The following WDPCP variants were observed in gnomAD, a reference collection of about 807,000 sequenced individuals.
WDPCP encodes WD repeat containing planar cell polarity effector, also known as WD repeat-containing and planar cell polarity effector protein fritz homolog.
WDPCP carries 71 observed loss-of-function variants against 93.1 expected under a neutral mutation model. That is an observed-to-expected ratio of 0.76 (90% CI 0.63 to 0.93). WDPCP has a LOEUF of 0.93. Among genes scored for constraint, WDPCP ranks in the 40% least tolerant of loss-of-function variants. The pLI, the probability that WDPCP is intolerant of heterozygous loss-of-function variation, is 0.00. For synonymous variants in WDPCP, 315 were observed against 315.0 expected (o/e 1.00, Z 0.00); for missense variants, 844 against 887.4 (o/e 0.95, Z 0.62).
chr2:63,521,219 G>A (rs1057059992), intron 1 of WDPCP, among the ~76,000 whole-genome samples: 1 of 152,150 alleles, frequency 6.6e-6, no homozygotes, highest in Non-Finnish European at 1.5e-5. Flanking sequence ...TACCAACCTT[G>A]AATGTAAACA....
chr2:63,331,804 T>C (rs1207722304), intron 12 of WDPCP, among the ~76,000 whole-genome samples: 2 of 152,164 alleles, frequency 1.3e-5, no homozygotes, highest in African/African-American at 4.8e-5. Context: ...TGTATCAGGC[T>C]TTGCTTTTCC....
chr2:63,509,946 A>C (rs1000135219), intron 1 of WDPCP, among the ~76,000 whole-genome samples: 1 of 152,166 alleles, frequency 6.6e-6, no homozygotes, highest in Non-Finnish European at 1.5e-5. Flanking sequence ...TATATAGTCT[A>C]CCAACCAAAA....
chr2:63,352,152 A>C (rs1689679497), intron 12 of WDPCP, among the ~76,000 whole-genome samples: 2 of 152,080 alleles, frequency 1.3e-5, no homozygotes, highest in African/African-American at 4.8e-5. Flanking sequence ...TAATTTCCTT[A>C]TAGATTCTGG....
chr2:63,684,388 A>C, intron 2 of WDPCP: 1 of 765,350 alleles, frequency 1.3e-6, no homozygotes, highest in Admixed American at 1.9e-5. Context: ...ATCATGAAGA[A>C]CATTGATGAT....
intron 3 of WDPCP, among the ~76,000 whole-genome samples, chr2:63,601,649 A>G (rs1558862282): frequency 6.6e-6 from 1 of 152,202 alleles, no homozygotes; most frequent in South Asian, 2.1e-4. Flanking sequence ...TGCTGTCCAG[A>G]CAGAACTGGA....
intron 1 of WDPCP, among the ~76,000 whole-genome samples, chr2:63,567,244 A>C (rs1027081623): frequency 5.9e-5 from 9 of 152,244 alleles, no homozygotes; most frequent in Middle Eastern, 3.4e-3. Context: ...AGTGGGGCTG[A>C]AAATTCAAAC....
intron 14 of WDPCP, among the ~76,000 whole-genome samples, chr2:63,211,461 C>T (rs548712753): frequency 8.5e-5 from 13 of 152,264 alleles, no homozygotes; most frequent in East Asian, 7.7e-4. Context: ...CCCATTTGTA[C>T]GTCAACATCA....
intron 14 of WDPCP, among the ~76,000 whole-genome samples, chr2:63,198,506 T>G (rs1675635128): frequency 6.6e-6 from 1 of 152,148 alleles, no homozygotes; most frequent in African/African-American, 2.4e-5. Flanking sequence ...GGAGGGGTGA[T>G]CCCCTGTGTT....
Position 63,588,367 on chromosome 2 carries a change from C to A in WDPCP, c.-96G>T, listed in dbSNP as rs1282451086. 3.0e-6 allele frequency: 4 copies of A among 1,340,528 alleles called. No homozygotes were observed. The Admixed American group carries it at 5.9e-5, about 20-fold the overall frequency. The allele number at this position is 1,340,528 out of a possible 1,614,324, so 83.0% of individuals were successfully genotyped here. A position where few individuals can be genotyped will look rare whatever the true frequency, so the allele number is the denominator to read the frequency against. ...CTTGGTCTCTTGGGTCTCCAGGACG[C>A]CGCCGCCGCCGCCACAGTTTCCTCA... On this transcript the variant is annotated 5_prime_UTR_variant, in exon 1 of 18. Transcript: ENST00000272321.
intron 12 of WDPCP, among the ~76,000 whole-genome samples, chr2:63,326,707 AC>A (rs1687581295): frequency 6.6e-6 from 1 of 151,990 alleles, no homozygotes; most frequent in Non-Finnish European, 1.5e-5. Context: ...AAGGAGACAG[AC>A]AGAAAGTCAG....
rs986411911 is a variant in WDPCP at position 63,467,372 on chromosome 2, C to T, written c.384+17232G>A. ...GCACACACTTATAATCCCAGCTGCT[C>T]AGGAGGCTGAGGCAGGAGAATCACT... On this transcript the variant is annotated intron_variant, in intron 6 of 17. Transcript: ENST00000272321. Among the ~76,000 whole-genome samples, 7 of 151,798 alleles carry T rather than the reference C, an allele frequency of 4.6e-5. No individual in the cohort carries two copies. In the East Asian group the frequency reaches 7.8e-4, roughly 17 times the overall value.
intron 1 of WDPCP, among the ~76,000 whole-genome samples, chr2:63,497,940 A>G (rs900521061): frequency 6.6e-6 from 1 of 152,216 alleles, no homozygotes; most frequent in African/African-American, 2.4e-5. Flanking sequence ...GGCATCTACC[A>G]AAGTAAGCTG....
chr2:63,412,070 T>C (rs1695062236), intron 9 of WDPCP, among the ~76,000 whole-genome samples: 1 of 151,926 alleles, frequency 6.6e-6, no homozygotes, highest in Non-Finnish European at 1.5e-5. Flanking sequence ...GGAAAGGACA[T>C]AACCAAAAAA....
At chr2:63,729,269 C>T (rs1056869543) in intron 2 of WDPCP, among the ~76,000 whole-genome samples, 2 of 152,016 alleles carry the variant, frequency 1.3e-5, no homozygotes, top group African/African-American at 4.8e-5. Context: ...TTAATAGATG[C>T]TGTATTAAAT....
At chr2:63,567,222 T>C (rs957840520) in intron 1 of WDPCP, among the ~76,000 whole-genome samples, 2 of 152,128 alleles carry the variant, frequency 1.3e-5, no homozygotes, top group Non-Finnish European at 2.9e-5. Flanking sequence ...TCCCCTCCCC[T>C]AGAGGTCAGG....
chr2:63,215,950 G>C (rs546555964), intron 14 of WDPCP, among the ~76,000 whole-genome samples: 3 of 152,302 alleles, frequency 2.0e-5, no homozygotes, highest in African/African-American at 7.2e-5. Context: ...AAAGACACAT[G>C]AAAAAATGCT....
At chr2:63,607,569 G>A (rs1020380880) in intron 3 of WDPCP, among the ~76,000 whole-genome samples, 6 of 150,560 alleles carry the variant, frequency 4.0e-5, no homozygotes, top group Non-Finnish European at 7.4e-5. Flanking sequence ...GGTGGCTCCC[G>A]CCTGTAATCC....
intron 13 of WDPCP, among the ~76,000 whole-genome samples, chr2:63,300,317 T>C (rs1685228110): frequency 6.6e-6 from 1 of 152,142 alleles, no homozygotes; most frequent in Admixed American, 6.5e-5. Context: ...AATGGGAACC[T>C]TGTCTAGGAT....
chr2:63,412,036 G>A lies in WDPCP; in HGVS notation c.826-7379C>T, dbSNP rs570331435. 2.0e-4 allele frequency among the ~76,000 whole-genome samples: 31 copies of A among 152,030 alleles called. 1 individual carries two copies. The South Asian group carries it at 6.0e-3, about 30-fold the overall frequency. ...CTTCCCTACTTCATTCTATGAAGCC[G>A]GCATCACCCTAATACCAAAACCAGG... is the stretch of plus-strand genomic sequence containing the variant. On this transcript the variant is annotated intron_variant, in intron 9 of 17. Coordinates refer to ENST00000272321, the MANE Select transcript of WDPCP (RefSeq NM_015910.7).
Sources: allele counts gnomAD v4.1 joint callset (sites outside exome capture counted in the v4.1 genomes callset), GRCh38; gene constraint gnomAD v4.1.1; transcripts MANE v1.5; gene names NCBI Gene and HGNC (gene_info 2026-07-23, HGNC 2026-07-21).